CPLANE1: variants seen among roughly 807,000 people sequenced by gnomAD.
CPLANE1 encodes ciliogenesis and planar polarity effector complex subunit 1.
CPLANE1 carries 263 observed loss-of-function variants against 362.5 expected under a neutral mutation model. That is an observed-to-expected ratio of 0.73 (90% CI 0.66 to 0.80). CPLANE1 has a LOEUF of 0.80. Among genes scored for constraint, CPLANE1 ranks in the 30% least tolerant of loss-of-function variants. The pLI, the probability that CPLANE1 is intolerant of heterozygous loss-of-function variation, is 0.00. For missense variants in CPLANE1, 3,461 were observed against 3,793.4 expected, an observed-to-expected ratio of 0.91 and a Z score of 2.30; for synonymous variants, 1,212 against 1,302.6, an observed-to-expected ratio of 0.93 and a Z score of 1.50.
intron 16 of CPLANE1, chr5:37,211,787 A>G (rs1203679504): frequency 5.0e-6 from 4 of 798,642 alleles, no homozygotes; most frequent in South Asian, 4.0e-5. Flanking sequence ...TTCAAGACAA[A>G]AGTGAATTTT....
At chr5:37,152,375 C>T (rs1172620621) in intron 42 of CPLANE1, among the ~76,000 whole-genome samples, 1 of 152,020 alleles carries the variant, frequency 6.6e-6, no homozygotes, top group African/African-American at 2.4e-5. Context: ...GGTCTCGCTA[C>T]GTTGCCTGGG....
At position 37,209,995 on chromosome 5, in the gene CPLANE1, T is replaced by G; in HGVS notation, c.2920+3564A>C. 1 of 895,128 alleles carries G rather than the reference T, an allele frequency of 1.1e-6. No homozygotes were observed. The allele number at this position is 895,128 out of a possible 1,614,324, so 55.4% of individuals were successfully genotyped here. A position where few individuals can be genotyped will look rare whatever the true frequency, so the allele number is the denominator to read the frequency against. ...TATAAGAGAGAAATAGAAGAGCAAC[T>G]TCGGGAAGAAATATGTCAAAAGTTG... is the stretch of plus-strand genomic sequence containing the variant. On this transcript the variant is annotated intron_variant, in intron 16 of 52. Coordinates refer to ENST00000651892, the MANE Select transcript of CPLANE1 (RefSeq NM_001384732.1). This position sits in a 1 kb window ranked among gnomAD's most constrained non-coding sequence, Gnocchi z 4.6.
chr5:37,118,448 T>TGGTTAATCC (rs1761682284), intron 50 of CPLANE1, among the ~76,000 whole-genome samples: 1 of 151,802 alleles, frequency 6.6e-6, no homozygotes, highest in South Asian at 2.1e-4. Flanking sequence ...ACGAAGGGTT[T>TGGTTAATCC]CATCTAAAGA....
At chr5:37,245,894 C>T in intron 2 of CPLANE1, 49 bp from the exon 3 acceptor site, 1 of 1,415,574 alleles carries the variant, frequency 7.1e-7, no homozygotes, top group Non-Finnish European at 9.3e-7. Context: ...GAAATTAATT[C>T]AACTTACTGC....
At position 37,226,513 on chromosome 5, in the gene CPLANE1, C is replaced by A; in HGVS notation, c.2082G>T (p.Met694Ile). 6.5e-7 allele frequency: 1 copy of A among 1,548,074 alleles called. No homozygotes were observed. The highest frequency in any genetic ancestry group is 2.4e-5 in the East Asian group (1 of 40,830). Residue 694 changes from methionine (M) to isoleucine (I), a missense_variant, in exon 12 of 53, where the codon ATG (methionine) becomes ATT (isoleucine). Transcript: ENST00000651892. ...KLLACFYLLK[M>I]VADNLNGVYI... ...ATACACCATTTAAATTGTCAGCTACCATTTTGAGTAAATAAAAACAAGCTA... is the reference window on the plus strand; with the variant it reads ...ATACACCATTTAAATTGTCAGCTACAATTTTGAGTAAATAAAAACAAGCTA...
At chr5:37,163,057 G>A (rs1019439362) in intron 37 of CPLANE1, among the ~76,000 whole-genome samples, 1 of 152,200 alleles carries the variant, frequency 6.6e-6, no homozygotes, top group African/African-American at 2.4e-5. Flanking sequence ...AAACTGTTGA[G>A]GACTCTGCAC....
chr5:37,198,673 G>C, intron 20 of CPLANE1, 29 bp downstream of exon 20: 1 of 1,590,360 alleles, frequency 6.3e-7, no homozygotes. Context: ...AGTTAACACA[G>C]CATGTAAATG....
At chr5:37,113,956 G>A (rs2149964953) in intron 51 of CPLANE1, among the ~76,000 whole-genome samples, 1 of 152,256 alleles carries the variant, frequency 6.6e-6, no homozygotes, top group East Asian at 1.9e-4. Flanking sequence ...GGGACTACAG[G>A]CACATGCCAC....
intron 46 of CPLANE1, 123 bp from the exon 47 acceptor site, chr5:37,125,532 T>TA: frequency 1.2e-6 from 1 of 842,672 alleles, no homozygotes; most frequent in South Asian, 1.7e-5. Context: ...AGTATATACT[T>TA]ATGTTCTCTA....
At chr5:37,133,066 C>T (rs1303576067) in intron 46 of CPLANE1, among the ~76,000 whole-genome samples, 1 of 152,136 alleles carries the variant, frequency 6.6e-6, no homozygotes, top group Non-Finnish European at 1.5e-5. Flanking sequence ...TCAACTTTGT[C>T]AAAGATCAGA....
chr5:37,217,814 T>TA (rs1794455996), intron 15 of CPLANE1, among the ~76,000 whole-genome samples: 1 of 150,264 alleles, frequency 6.7e-6, no homozygotes, highest in African/African-American at 2.5e-5. Flanking sequence ...CTGTCTCTAC[T>TA]AAAAATAGAA....
intron 42 of CPLANE1, among the ~76,000 whole-genome samples, chr5:37,153,423 A>G (rs1033981641): frequency 2.0e-5 from 3 of 152,168 alleles, no homozygotes; most frequent in Admixed American, 6.5e-5. Flanking sequence ...ATTGTTCTCA[A>G]CTGAGGGTGA....
At position 37,162,488 on chromosome 5, in the gene CPLANE1, TCTTGA is replaced by T. The variant is rs756416171; in HGVS notation, c.7662_7666del (p.Ser2554ArgfsTer11). The stretch of plus-strand genomic sequence containing the variant: ...ACCTGGGTCTGTATTTGTACTTGCA[TCTTGA>T]CTTCCTATAGCTTTCTTTTTTACAG... On this transcript the variant is annotated frameshift_variant, in exon 38 of 53. Coordinates refer to ENST00000651892, the MANE Select transcript of CPLANE1 (RefSeq NM_001384732.1). LOFTEE classifies it high-confidence loss of function. 1.9e-6 allele frequency: 3 copies of T among 1,611,360 alleles called. No individual in the cohort carries two copies. In the Admixed American group the frequency reaches 5.0e-5, roughly 27 times the overall value.
intron 43 of CPLANE1, 88 bp from the exon 44 acceptor site, chr5:37,142,568 G>A: frequency 1.2e-6 from 1 of 813,432 alleles, no homozygotes; most frequent in East Asian, 2.9e-5. Context: ...TTTCCAACTG[G>A]CAACCCAGAT....
chr5:37,133,592 T>C (rs1166107766), intron 46 of CPLANE1, among the ~76,000 whole-genome samples: 1 of 152,034 alleles, frequency 6.6e-6, no homozygotes, highest in Non-Finnish European at 1.5e-5. Flanking sequence ...TATTGGTGCA[T>C]AGAAATGCTA....
At chr5:37,153,420 T>C (rs185301630) in intron 42 of CPLANE1, among the ~76,000 whole-genome samples, 1 of 152,328 alleles carries the variant, frequency 6.6e-6, no homozygotes, top group East Asian at 1.9e-4. Context: ...GTAATTGTTC[T>C]CAACTGAGGG....
At position 37,198,822 on chromosome 5, in the gene CPLANE1, G is replaced by C. The variant is rs771337427; in HGVS notation, c.3552C>G (p.Arg1184=). The C allele has an allele frequency of 6.2e-7, 1 of 1,613,996 alleles. No individual in the cohort carries two copies. Among genetic ancestry groups the C allele is most frequent in the Non-Finnish European group, 8.5e-7 (1 of 1,180,008 alleles). ...GCTGAAGGATTCCAGATACCTTCTG[G>C]CGATTATTTTTTTCAGCTTTTAAAA... ...DLLLKAEKNN[R]QKVSGILQRV... The change falls in exon 20 of 53, where the codon CGC becomes CGG. Residue 1184 remains arginine, a synonymous_variant. Coordinates refer to ENST00000651892, the MANE Select transcript of CPLANE1 (RefSeq NM_001384732.1).
At chr5:37,084,489 T>C in the CPLANE1 span, among the ~76,000 whole-genome samples, 22 of 152,210 alleles carry the variant, frequency 1.4e-4, no homozygotes, top group East Asian at 3.9e-3. Flanking sequence ...ACTTAAAAGA[T>C]ACAGAATGGG....
At position 37,157,722 on chromosome 5, in the gene CPLANE1, AT is replaced by A. The variant is rs1232125853; in HGVS notation, c.7958del (p.Tyr2653LeufsTer20). 6.2e-7 allele frequency: 1 copy of A among 1,613,930 alleles called. No individual in the cohort carries two copies. The highest frequency in any genetic ancestry group is 1.3e-5 in the African/African-American group (1 of 74,910). On this transcript the variant is annotated frameshift_variant, in exon 40 of 53. Coordinates refer to ENST00000651892, the MANE Select transcript of CPLANE1 (RefSeq NM_001384732.1). LOFTEE classifies it high-confidence loss of function. ...LAVPSSAELH[Y>X]MAASVTNAVP... ...CAGCATTAGTAACTGAAGCTGCCAT[AT>A]AATGTAACTCTGCAGACGATGGAAC...
Sources: gnomAD v4.1 joint callset for allele counts (sites outside exome capture counted in the v4.1 genomes callset) on GRCh38, gnomAD v4.1.1 for gene constraint, Gnocchi (gnomAD v3.1) non-coding constraint, MANE v1.5 for transcripts, NCBI Gene and HGNC (gene_info 2026-07-23, HGNC 2026-07-21) for gene names.